The following RIMBP2 variants were observed in gnomAD, a reference collection of about 807,000 sequenced individuals.
The protein encoded by RIMBP2 is RIMS-binding protein 2.
Under a neutral mutation model 118.6 loss-of-function variants are expected in RIMBP2, and 48 were observed. That is an observed-to-expected ratio of 0.40 (90% CI 0.32 to 0.51). RIMBP2 has a LOEUF of 0.51. RIMBP2 is among the 20% of genes least tolerant of loss of function. The pLI, the probability that RIMBP2 is intolerant of heterozygous loss-of-function variation, is 0.41. For synonymous variants in RIMBP2, 762 were observed against 742.9 expected, an observed-to-expected ratio of 1.03 and a Z score of -0.42; for missense variants, 1,551 against 1,768.3, an observed-to-expected ratio of 0.88 and a Z score of 2.20.
intron 5 of RIMBP2, among the ~76,000 whole-genome samples, chr12:130,478,587 G>A (rs1274358071): frequency 6.6e-6 from 1 of 152,160 alleles, no homozygotes; most frequent in East Asian, 1.9e-4. Flanking sequence ...TAGTTTAAAC[G>A]GATGCTGCAC....
At chr12:130,659,132 C>A (rs1357620416) in intron 1 of RIMBP2, among the ~76,000 whole-genome samples, 1 of 152,208 alleles carries the variant, frequency 6.6e-6, no homozygotes, top group African/African-American at 2.4e-5. Context: ...CCAAGAGAAA[C>A]ACCGTGTCAG....
intron 17 of RIMBP2, among the ~76,000 whole-genome samples, chr12:130,416,002 C>G (rs2076079673): frequency 6.6e-6 from 1 of 151,688 alleles, no homozygotes; most frequent in South Asian, 2.1e-4. Context: ...TACATCTAAC[C>G]AAGACACACA....
intron 2 of RIMBP2, among the ~76,000 whole-genome samples, chr12:130,612,526 G>A (rs776327013): frequency 6.6e-6 from 1 of 152,164 alleles, no homozygotes; most frequent in Non-Finnish European, 1.5e-5. Context: ...ACCCAGTCTG[G>A]GGTATTCTGT....
intron 6 of RIMBP2, among the ~76,000 whole-genome samples, chr12:130,461,964 G>GA (rs56336908): frequency 0.94 from 143,481 of 152,254 alleles, 68,200 homozygotes; most frequent in East Asian, 1. Flanking sequence ...CAATTCACCG[G>GA]AAGTCTCACA....
Position 130,523,373 on chromosome 12 carries a change from A to C in RIMBP2, c.-216-5456T>G, listed in dbSNP as rs954751432. ...CCAGCCTCCAGGACTGAGAGAGAGG[A>C]GAGCTCTGTCATTTAAGCTGCCCGG... On this transcript the variant is annotated intron_variant, in intron 2 of 22. Transcript: ENST00000690449. This position sits in a 1 kb window ranked among gnomAD's most constrained non-coding sequence, Gnocchi z 4.4. Among the ~76,000 whole-genome samples the C allele has an allele frequency of 1.3e-5, 2 of 152,178 alleles. No homozygotes were observed. The highest frequency in any genetic ancestry group is 4.8e-5 in the African/African-American group (2 of 41,442).
In RIMBP2 at chr12:130,620,346, G is replaced by A. The variant is rs1594069332; in HGVS notation, c.-217+7976C>T. Among the ~76,000 whole-genome samples the A allele has an allele frequency of 6.6e-6, 1 of 152,298 alleles. No individual in the cohort carries two copies. Among genetic ancestry groups the A allele is most frequent in the East Asian group, 1.9e-4 (1 of 5,176 alleles). On this transcript the variant is annotated intron_variant, in intron 2 of 22. Transcript: ENST00000690449. This position sits in a 1 kb window ranked among gnomAD's most constrained non-coding sequence, Gnocchi z 5.3. ...TCATCCTGCAGCTCTCCTCCTCCCT[G>A]AGGCTCCCAATCCCTGATGCTTCGC... is the stretch of plus-strand genomic sequence containing the variant.
At chr12:130,626,735 G>A (rs118155439) in intron 2 of RIMBP2, among the ~76,000 whole-genome samples, 4,301 of 146,394 alleles carry the variant, frequency 0.029, 103 homozygotes, top group Middle Eastern at 0.059. Context: ...AACTACCGCC[G>A]GCATCATCAC....
chr12:130,447,775 G>A lies in RIMBP2; in HGVS notation c.581+2425C>T, dbSNP rs74836918. Among the ~76,000 whole-genome samples, 318 of 152,308 alleles carry A rather than the reference G, an allele frequency of 2.1e-3. No homozygotes were observed. The highest frequency in any genetic ancestry group is 1.9e-3 in the Non-Finnish European group (130 of 68,008). ...AGGACCCAGGAGCCCTCAGCAAGGC[G>A]TTCCCCACGGCGGAGGCTGCACCAG... is the stretch of plus-strand genomic sequence containing the variant. On this transcript the variant is annotated intron_variant, in intron 9 of 22. Transcript: ENST00000690449. The surrounding 1 kb of genome is among the most constrained non-coding windows in gnomAD (Gnocchi z 4.4).
intron 2 of RIMBP2, among the ~76,000 whole-genome samples, chr12:130,571,732 C>T (rs917276671): frequency 3.3e-5 from 5 of 152,148 alleles, no homozygotes; most frequent in African/African-American, 1.2e-4. Flanking sequence ...TGGGACAAAA[C>T]GGGAACCTCA....
At chr12:130,642,225 C>T (rs1446036960) in intron 1 of RIMBP2, among the ~76,000 whole-genome samples, 2 of 152,194 alleles carry the variant, frequency 1.3e-5, no homozygotes, top group Non-Finnish European at 2.9e-5. Flanking sequence ...AAATGATGCC[C>T]CACACTCCAG....
chr12:130,652,003 TTC>T (rs1259850992), intron 1 of RIMBP2, among the ~76,000 whole-genome samples: 6 of 152,258 alleles, frequency 3.9e-5, no homozygotes, highest in African/African-American at 1.2e-4. Context: ...TGTTCTGCTT[TTC>T]TCTTTATTTA....
intron 1 of RIMBP2, among the ~76,000 whole-genome samples, chr12:130,678,862 C>T (rs2064632780): frequency 6.6e-6 from 1 of 152,086 alleles, no homozygotes; most frequent in Non-Finnish European, 1.5e-5. Context: ...GCAGGAAAAT[C>T]CACAGAGGCA....
intron 16 of RIMBP2, among the ~76,000 whole-genome samples, chr12:130,423,383 G>A (rs535804978): frequency 6.6e-6 from 1 of 152,324 alleles, no homozygotes; most frequent in Non-Finnish European, 1.5e-5. Flanking sequence ...TGGGCCCATC[G>A]CAAGCACACG....
chr12:130,699,113 C>T (rs1443674239), intron 1 of RIMBP2, among the ~76,000 whole-genome samples: 2 of 152,292 alleles, frequency 1.3e-5, no homozygotes, highest in African/African-American at 4.8e-5. Context: ...AATAGGAACA[C>T]TTTTACACTG....
chr12:130,670,948 C>T lies in RIMBP2; in HGVS notation c.-351-42492G>A, dbSNP rs1033203369. 2.6e-5 allele frequency among the ~76,000 whole-genome samples: 4 copies of T among 152,086 alleles called. No individual in the cohort carries two copies. Among genetic ancestry groups the T allele is most frequent in the South Asian group, 4.1e-4 (2 of 4,824 alleles). ...ACCAGTACGTCTCTTTTAGTAGACA[C>T]GGGGTTTCACCATGTTGGCCAGGCT... On this transcript the variant is annotated intron_variant, in intron 1 of 22. Coordinates refer to ENST00000690449, the MANE Select transcript of RIMBP2 (RefSeq NM_001393629.1). The surrounding 1 kb of genome is among the most constrained non-coding windows in gnomAD (Gnocchi z 4.9).
At chr12:130,467,276 G>A (rs2080566310) in intron 6 of RIMBP2, among the ~76,000 whole-genome samples, 1 of 152,232 alleles carries the variant, frequency 6.6e-6, no homozygotes, top group Non-Finnish European at 1.5e-5. Flanking sequence ...GCAGCTAGAG[G>A]CTGAAAGATT....
At chr12:130,606,199 C>T (rs1176021494) in intron 2 of RIMBP2, among the ~76,000 whole-genome samples, 3 of 152,192 alleles carry the variant, frequency 2.0e-5, no homozygotes, top group Non-Finnish European at 2.9e-5. Context: ...AAAAGATTGG[C>T]CCTGCCTGAG....
At chr12:130,639,383 T>TAAAA (rs59431769) in intron 1 of RIMBP2, among the ~76,000 whole-genome samples, 9,259 of 130,860 alleles carry the variant, frequency 0.071, 463 homozygotes, top group East Asian at 0.1. Flanking sequence ...AACTCCATCT[T>TAAAA]AAAAAAAAAA....
intron 2 of RIMBP2, among the ~76,000 whole-genome samples, chr12:130,580,926 GGTGT>G (rs34292565): frequency 3.3e-5 from 5 of 149,340 alleles, no homozygotes; most frequent in Non-Finnish European, 7.5e-5. Flanking sequence ...ACCCAGCAAT[GGTGT>G]GTGTGTGTGT....
Sources: gnomAD v4.1 joint callset for allele counts (sites outside exome capture counted in the v4.1 genomes callset) on GRCh38, gnomAD v4.1.1 for gene constraint, Gnocchi (gnomAD v3.1) non-coding constraint, MANE v1.5 for transcripts, NCBI Gene and HGNC (gene_info 2026-07-23, HGNC 2026-07-21) for gene names.